PPARGC1B: variants seen among roughly 807,000 people sequenced by gnomAD.
The protein encoded by PPARGC1B is PPARG coactivator 1 beta.
Under a neutral mutation model 101.6 loss-of-function variants are expected in PPARGC1B, and 34 were observed. The ratio of observed to expected loss-of-function variants is 0.33; its 90% CI spans 0.25 to 0.45. The LOEUF (loss-of-function observed/expected upper bound fraction) is 0.45. Among genes scored for constraint, PPARGC1B ranks in the 20% least tolerant of loss-of-function variants. The probability of loss-of-function intolerance (pLI) is 1.00; values close to 1 mark genes in which losing one functional copy is unlikely to be tolerated. For synonymous variants in PPARGC1B, 548 were observed against 539.3 expected (o/e 1.02, Z -0.22); for missense variants, 1,234 against 1,317.6 (o/e 0.94, Z 0.98).
intron 3 of PPARGC1B, among the ~76,000 whole-genome samples, chr5:149,828,532 C>A (rs1758617262): frequency 6.6e-6 from 1 of 152,242 alleles, no homozygotes; most frequent in Admixed American, 6.5e-5. Flanking sequence ...TTAGTGGTAA[C>A]AAGCATTCTA....
At chr5:149,785,927 T>C (rs1462616119) in intron 1 of PPARGC1B, among the ~76,000 whole-genome samples, 1 of 151,196 alleles carries the variant, frequency 6.6e-6, no homozygotes, top group Non-Finnish European at 1.5e-5. Flanking sequence ...TTTTTTTTTT[T>C]TTTTCTTTTT....
chr5:149,847,896 G>A lies in PPARGC1B; in HGVS notation c.*338G>A. On this transcript the variant is annotated 3_prime_UTR_variant, in exon 12 of 12. Coordinates refer to ENST00000309241, the MANE Select transcript of PPARGC1B (RefSeq NM_133263.4). ...GACTTCCTCTCGTAGACTTGCAGCT[G>A]TGTTCACCATAACATTTCTTGTCTG... 1 of 329,786 alleles carries A rather than the reference G, an allele frequency of 3.0e-6. No homozygotes were observed. The highest frequency in any genetic ancestry group is 5.6e-5 in the South Asian group (1 of 17,834). 20.4% of individuals were successfully genotyped at this position (329,786 alleles called of 1,614,324 possible).
At chr5:149,799,729 C>T (rs1234286489) in intron 1 of PPARGC1B, among the ~76,000 whole-genome samples, 2 of 98,460 alleles carry the variant, frequency 2.0e-5, no homozygotes, top group Non-Finnish European at 3.7e-5. Flanking sequence ...CGAAGTCTTG[C>T]TCTTGTCACC....
At chr5:149,745,233 G>T (rs1005582581) in intron 1 of PPARGC1B, among the ~76,000 whole-genome samples, 6 of 152,130 alleles carry the variant, frequency 3.9e-5, no homozygotes, top group Non-Finnish European at 7.4e-5. Flanking sequence ...GTGATCTAAG[G>T]AGTTAGATAG....
chr5:149,751,359 T>G lies in PPARGC1B; in HGVS notation c.78+20939T>G, dbSNP rs148200630. On this transcript the variant is annotated intron_variant, in intron 1 of 11. Coordinates refer to ENST00000309241, the MANE Select transcript of PPARGC1B (RefSeq NM_133263.4). ...ATTTTTTCTTGTTGCAAAAATGATATGCATTAATTTATTGAAATGTGAGAG... is the reference window on the plus strand; with the variant it reads ...ATTTTTTCTTGTTGCAAAAATGATAGGCATTAATTTATTGAAATGTGAGAG... Among the ~76,000 whole-genome samples the G allele has an allele frequency of 4.8e-3, 726 of 152,326 alleles. 4 individuals carry two copies. Among genetic ancestry groups the G allele is most frequent in the African/African-American group, 0.016 (683 of 41,578 alleles).
At position 149,853,749 on chromosome 5, in the gene PPARGC1B, G is replaced by A. The variant is rs966792401; in HGVS notation, c.*6191G>A. ...CTATTCCCAACTTTGTTTCTTGAGGGATGTTCTGATTCCAATGGAAACAGG... is the reference window on the plus strand; with the variant it reads ...CTATTCCCAACTTTGTTTCTTGAGGAATGTTCTGATTCCAATGGAAACAGG... On this transcript the variant is annotated 3_prime_UTR_variant, in exon 12 of 12. Transcript: ENST00000309241. The surrounding 1 kb of genome is among the most constrained non-coding windows in gnomAD (Gnocchi z 4.2). 1 of 152,200 alleles carries A rather than the reference G, an allele frequency of 6.6e-6. No individual in the cohort carries two copies. The highest frequency in any genetic ancestry group is 1.5e-5 in the Non-Finnish European group (1 of 68,048). 9.4% of individuals were successfully genotyped at this position (152,200 alleles called of 1,614,324 possible). A position where few individuals can be genotyped will look rare whatever the true frequency, so the allele number is the denominator to read the frequency against.
chr5:149,745,619 C>T (rs1352076227), intron 1 of PPARGC1B, among the ~76,000 whole-genome samples: 1 of 152,140 alleles, frequency 6.6e-6, no homozygotes, highest in Non-Finnish European at 1.5e-5. Context: ...AGATCGAAAG[C>T]CTCTTTATAA....
intron 1 of PPARGC1B, among the ~76,000 whole-genome samples, chr5:149,806,483 G>A (rs1433273864): frequency 2.0e-5 from 3 of 152,116 alleles, no homozygotes; most frequent in Non-Finnish European, 4.4e-5. Flanking sequence ...CTGCTCCCTC[G>A]GTCTCTCCTG....
chr5:149,784,153 A>T (rs1756698383), intron 1 of PPARGC1B, among the ~76,000 whole-genome samples: 1 of 151,942 alleles, frequency 6.6e-6, no homozygotes, highest in South Asian at 2.1e-4. Context: ...GGGTTGCTAT[A>T]GTCCTCAGTC....
chr5:149,836,571 A>G lies in PPARGC1B; in HGVS notation c.2116A>G (p.Arg706Gly). Residue 706 changes from arginine to glycine, a missense_variant, in exon 8 of 12, where the codon AGG becomes GGG. Coordinates refer to ENST00000309241, the MANE Select transcript of PPARGC1B (RefSeq NM_133263.4). Reference protein sequence around the residue: ...QVLRPEGVLQRKVLRSWEPSG... With the variant: ...QVLRPEGVLQGKVLRSWEPSG... The stretch of plus-strand genomic sequence containing the variant: ...GCTCCGACCAGAAGGCGTCCTGCAA[A>G]GGAAGGTGCTGAGGTCCTGGGAGCC... The G allele has an allele frequency of 6.2e-7, 1 of 1,613,882 alleles. No individual in the cohort carries two copies. Among genetic ancestry groups the G allele is most frequent in the Non-Finnish European group, 8.5e-7 (1 of 1,180,036 alleles).
intron 1 of PPARGC1B, among the ~76,000 whole-genome samples, chr5:149,806,422 T>C (rs1280671815): frequency 6.6e-6 from 1 of 152,124 alleles, no homozygotes; most frequent in African/African-American, 2.4e-5. Context: ...CTTTCTGGGT[T>C]ATTTATAACA....
Position 149,842,241 on chromosome 5 carries a change from C to A in PPARGC1B, c.2695-15C>A. The A allele has an allele frequency of 1.2e-6, 2 of 1,611,784 alleles. No individual in the cohort carries two copies. Among genetic ancestry groups the A allele is most frequent in the South Asian group, 1.1e-5 (1 of 90,964 alleles). ...GGCAATGACGGAGTCTCTCTCTGTC[C>A]TCCTTCTTGGGCAGGGGGAAGGCCG... On this transcript the variant is annotated splice_polypyrimidine_tract_variant and intron_variant, in intron 9 of 11. Transcript: ENST00000309241.
chr5:149,740,930 C>A (rs144485150), intron 1 of PPARGC1B, among the ~76,000 whole-genome samples: 2 of 152,174 alleles, frequency 1.3e-5, no homozygotes, highest in Non-Finnish European at 2.9e-5. Flanking sequence ...GCCTTAGAGA[C>A]GATCTTGCTT....
intron 1 of PPARGC1B, chr5:149,732,677 G>T (rs1242457806): frequency 1.0e-5 from 4 of 385,376 alleles, no homozygotes; most frequent in African/African-American, 2.2e-5. Context: ...TGAGCTTTGA[G>T]CCGCCCCTAG....
intron 1 of PPARGC1B, among the ~76,000 whole-genome samples, chr5:149,773,674 A>G (rs1331990124): frequency 6.6e-6 from 1 of 152,226 alleles, no homozygotes; most frequent in Non-Finnish European, 1.5e-5. Flanking sequence ...GCTAACAGAC[A>G]CGGTGATGGG....
At chr5:149,783,161 C>T (rs1050467966) in intron 1 of PPARGC1B, among the ~76,000 whole-genome samples, 4 of 152,162 alleles carry the variant, frequency 2.6e-5, no homozygotes, top group African/African-American at 4.8e-5. Flanking sequence ...TTGTTCCCCT[C>T]CTGCCATACT....
intron 2 of PPARGC1B, among the ~76,000 whole-genome samples, chr5:149,821,103 C>T: frequency 6.6e-6 from 1 of 152,210 alleles, no homozygotes; most frequent in East Asian, 1.9e-4. Context: ...CATGATGATA[C>T]CATAATGAGA....
At chr5:149,793,457 T>G (rs1026114712) in intron 1 of PPARGC1B, among the ~76,000 whole-genome samples, 1 of 152,170 alleles carries the variant, frequency 6.6e-6, no homozygotes, top group Non-Finnish European at 1.5e-5. Context: ...TTGGCACTCA[T>G]GCAGCAAATG....
In PPARGC1B at chr5:149,832,600, C is replaced by T; in HGVS notation, c.583-56C>T. The T allele has an allele frequency of 7.2e-7, 1 of 1,391,224 alleles. No homozygotes were observed. Among genetic ancestry groups the T allele is most frequent in the Non-Finnish European group, 9.8e-7 (1 of 1,025,296 alleles). 86.2% of individuals were successfully genotyped at this position (1,391,224 alleles called of 1,614,324 possible). A position where few individuals can be genotyped will look rare whatever the true frequency, so the allele number is the denominator to read the frequency against. ...CCAGCCAGTGACCATGCGGATGAGA[C>T]ACATGGGAGGAGTGTTTGGGCCTCC... On this transcript the variant is annotated intron_variant, in intron 4 of 11. Transcript: ENST00000309241. The surrounding 1 kb of genome is among the most constrained non-coding windows in gnomAD (Gnocchi z 4.9).
Sources: allele counts gnomAD v4.1 joint callset (sites outside exome capture counted in the v4.1 genomes callset), GRCh38; gene constraint gnomAD v4.1.1; non-coding constraint Gnocchi (gnomAD v3.1); transcripts MANE v1.5; gene names NCBI Gene and HGNC (gene_info 2026-07-23, HGNC 2026-07-21).